NCOA6: variants seen among roughly 807,000 people sequenced by gnomAD.
The protein encoded by NCOA6 is nuclear receptor coactivator 6.
In NCOA6, 49 loss-of-function variants were observed where a neutral mutation model predicts 171.4. The ratio of observed to expected loss-of-function variants is 0.29; its 90% CI spans 0.23 to 0.36. The LOEUF is 0.36. NCOA6 is among the 10% of genes least tolerant of loss of function. NCOA6 has a pLI of 1.00. For missense variants in NCOA6, 2,248 were observed against 2,554.5 expected (o/e 0.88, Z 2.59); for synonymous variants, 910 against 927.5 (o/e 0.98, Z 0.34).
chr20:34,764,939 C>A (rs1048201224), intron 5 of NCOA6, among the ~76,000 whole-genome samples: 2 of 151,432 alleles, frequency 1.3e-5, no homozygotes, highest in African/African-American at 4.9e-5. Context: ...CATGGTGAAA[C>A]CCCATCTCTA....
chr20:34,801,234 T>C (rs1185854225), intron 1 of NCOA6, among the ~76,000 whole-genome samples: 1 of 152,148 alleles, frequency 6.6e-6, no homozygotes, highest in Non-Finnish European at 1.5e-5. Context: ...TTTATGGCTA[T>C]AGGCATTTAC....
intron 7 of NCOA6, among the ~76,000 whole-genome samples, chr20:34,756,934 A>G (rs1211678937): frequency 1.3e-5 from 2 of 152,214 alleles, no homozygotes; most frequent in Non-Finnish European, 2.9e-5. Context: ...GGACATTTTA[A>G]TTTACTAGTA....
At chr20:34,756,470 T>C (rs558152648) in intron 7 of NCOA6, among the ~76,000 whole-genome samples, 7 of 148,570 alleles carry the variant, frequency 4.7e-5, no homozygotes, top group African/African-American at 1.8e-4. Flanking sequence ...TGATACTCTA[T>C]ACCTTACTGA....
chr20:34,744,377 T>C (rs1338303677), intron 10 of NCOA6, among the ~76,000 whole-genome samples: 1 of 152,112 alleles, frequency 6.6e-6, no homozygotes, highest in Non-Finnish European at 1.5e-5. Context: ...AGAATAACGG[T>C]GGTTCTGTGG....
intron 1 of NCOA6, among the ~76,000 whole-genome samples, chr20:34,808,060 G>C (rs1267413777): frequency 6.6e-6 from 1 of 151,700 alleles, no homozygotes; most frequent in Non-Finnish European, 1.5e-5. Context: ...TGAGGCACGA[G>C]AATCGCTTGA....
At chr20:34,777,442 C>T (rs1165107848) in intron 3 of NCOA6, among the ~76,000 whole-genome samples, 1 of 151,922 alleles carries the variant, frequency 6.6e-6, no homozygotes, top group Non-Finnish European at 1.5e-5. Context: ...TGGCAAAACC[C>T]CGTCTCTACT....
chr20:34,776,384 G>A lies in NCOA6; in HGVS notation c.300C>T (p.Ile100=), dbSNP rs752354868. The change falls in exon 4 of 15, where the codon ATC becomes ATT. Residue 100 remains isoleucine (I), a synonymous_variant. Transcript: ENST00000359003. ...PWNSVRVTFN[I]PREAAERLRI... is the part of the protein sequence containing the mutation. ...GTAGCCGCTCCGCTGCTTCCCGGGGGATGTTGAATGTCACACGCACGCTGT... is the reference window on the plus strand; with the variant it reads ...GTAGCCGCTCCGCTGCTTCCCGGGGAATGTTGAATGTCACACGCACGCTGT... 6.2e-6 allele frequency: 10 copies of A among 1,614,078 alleles called. No homozygotes were observed. Among genetic ancestry groups the A allele is most frequent in the Non-Finnish European group, 8.5e-6 (10 of 1,180,048 alleles).
chr20:34,815,611 A>C (rs1301495787), intron 1 of NCOA6, among the ~76,000 whole-genome samples: 2 of 152,172 alleles, frequency 1.3e-5, no homozygotes, highest in African/African-American at 4.8e-5. Context: ...TTGAAATCAA[A>C]TGAAGTGTGA....
At chr20:34,725,509 G>C (rs1477241736) in intron 14 of NCOA6, among the ~76,000 whole-genome samples, 4 of 152,212 alleles carry the variant, frequency 2.6e-5, no homozygotes, top group Non-Finnish European at 4.4e-5. Flanking sequence ...CTTGCTAAGG[G>C]AAGTGGGATG....
At position 34,809,842 on chromosome 20, in the gene NCOA6, C is replaced by G. The variant is rs200014896; in HGVS notation, c.-164+15630G>C. ...AATTAGCCAGGCATGGTGGCGCACT[C>G]CTGTAGTCACAGCCACTCGGGAGGC... is the stretch of plus-strand genomic sequence containing the variant. On this transcript the variant is annotated intron_variant, in intron 1 of 14. Coordinates refer to ENST00000359003, the MANE Select transcript of NCOA6 (RefSeq NM_014071.5). Among the ~76,000 whole-genome samples the G allele has an allele frequency of 7.2e-5, 11 of 152,302 alleles. No homozygotes were observed. In the East Asian group the frequency reaches 1.5e-3, roughly 21 times the overall value.
At position 34,732,686 on chromosome 20, in the gene NCOA6, G is replaced by C. The variant is rs1010441508; in HGVS notation, c.5963-91C>G. On this transcript the variant is annotated intron_variant, in intron 12 of 14. Coordinates refer to ENST00000359003, the MANE Select transcript of NCOA6 (RefSeq NM_014071.5). ...ACAAGAATTCTCTATGCCCTATTTAGGCTAAAGTGTCCCTGTGCCCAGCAG... is the reference window on the plus strand; with the variant it reads ...ACAAGAATTCTCTATGCCCTATTTACGCTAAAGTGTCCCTGTGCCCAGCAG... 1.9e-5 allele frequency: 21 copies of C among 1,081,760 alleles called. No homozygotes were observed. The African/African-American group carries it at 2.8e-4, about 15-fold the overall frequency. The allele number at this position is 1,081,760 out of a possible 1,614,324, so 67.0% of individuals were successfully genotyped here.
chr20:34,791,461 T>A (rs566380432), intron 2 of NCOA6, among the ~76,000 whole-genome samples: 7 of 152,310 alleles, frequency 4.6e-5, no homozygotes, highest in African/African-American at 1.7e-4. Flanking sequence ...TCTTTGTTCC[T>A]AATAGCACTC....
At chr20:34,764,480 G>C (rs928758962) in intron 5 of NCOA6, among the ~76,000 whole-genome samples, 1 of 152,022 alleles carries the variant, frequency 6.6e-6, no homozygotes, top group African/African-American at 2.4e-5. Context: ...GATCACTTGA[G>C]GTCAGGAGTT....
chr20:34,717,603 A>G (rs890779009), intron 14 of NCOA6, among the ~76,000 whole-genome samples: 43 of 152,280 alleles, frequency 2.8e-4, no homozygotes, highest in African/African-American at 1.0e-3. Flanking sequence ...TGGTAGAATC[A>G]GTCTTTCTGA....
rs559565704 is a variant in NCOA6, at chr20:34,812,778, G to A, written c.-164+12694C>T. On this transcript the variant is annotated intron_variant, in intron 1 of 14. Coordinates refer to ENST00000359003, the MANE Select transcript of NCOA6 (RefSeq NM_014071.5). ...CGCCTGTAATCCCAGCACCTTGGGAGGCCAAGGCAGGAGGACTGCTTGAGC... is the reference window on the plus strand; with the variant it reads ...CGCCTGTAATCCCAGCACCTTGGGAAGCCAAGGCAGGAGGACTGCTTGAGC... Among the ~76,000 whole-genome samples, 5 of 152,336 alleles carry A rather than the reference G, an allele frequency of 3.3e-5. 1 individual carries two copies. The South Asian group carries it at 1.0e-3, about 32-fold the overall frequency.
At chr20:34,738,013 C>T (rs377016892) in intron 11 of NCOA6, among the ~76,000 whole-genome samples, 3 of 152,332 alleles carry the variant, frequency 2.0e-5, no homozygotes, top group East Asian at 3.9e-4. Flanking sequence ...ATCCTCCCAC[C>T]TCAGCCTTCT....
chr20:34,727,118 C>T, intron 14 of NCOA6, 141 bp downstream of exon 14: 1 of 985,264 alleles, frequency 1.0e-6, no homozygotes, highest in Non-Finnish European at 1.5e-6. Flanking sequence ...AAAGGAAGGA[C>T]CAAACAGGTA....
chr20:34,818,906 C>T (rs559257804), intron 1 of NCOA6, among the ~76,000 whole-genome samples: 1 of 152,302 alleles, frequency 6.6e-6, no homozygotes, highest in South Asian at 2.1e-4. Context: ...AAAAAGAGTT[C>T]TTCTACAGTA....
rs752196868 is a variant in NCOA6 at position 34,715,307 on chromosome 20, C to T, written c.*15G>A. The T allele has an allele frequency of 4.2e-5, 67 of 1,613,762 alleles. No individual in the cohort carries two copies. The highest frequency in any genetic ancestry group is 1.0e-4 in the Admixed American group (6 of 60,000). ...TCACACACATTTCCAAGTATCAAGT[C>T]GCAGTCCTGCTTGTTTACTTGGATT... On this transcript the variant is annotated 3_prime_UTR_variant, in exon 15 of 15. Transcript: ENST00000359003.
Sources: allele counts gnomAD v4.1 joint callset (sites outside exome capture counted in the v4.1 genomes callset), GRCh38; gene constraint gnomAD v4.1.1; transcripts MANE v1.5; gene names NCBI Gene and HGNC (gene_info 2026-07-23, HGNC 2026-07-21).